Variants in TRIM4 observed in about 807,000 individuals in gnomAD.
TRIM4 encodes the protein tripartite motif containing 4.
A neutral mutation model predicts 33.7 loss-of-function variants in TRIM4; 29 were observed. The observed-to-expected ratio is 0.86, with a 90% CI of 0.64 to 1.17. The LOEUF is 1.17. Ranked by LOEUF, TRIM4 falls within the 50% of genes most tolerant of loss-of-function variation. TRIM4 has a pLI of 0.00. For synonymous variants in TRIM4, 224 were observed against 233.0 expected (o/e 0.96, Z 0.35); for missense variants, 554 against 593.7 (o/e 0.93, Z 0.69).
chr7:99,909,709 TC>T, intron 1 of TRIM4, 49 bp from the exon 2 acceptor site: 1 of 1,025,040 alleles, frequency 9.8e-7, no homozygotes, highest in Non-Finnish European at 1.5e-6. Context: ...CCAACCATCA[TC>T]ATCTTCTTTT....
chr7:99,897,067 G>C (rs148752309), intron 5 of TRIM4, among the ~76,000 whole-genome samples: 1 of 152,214 alleles, frequency 6.6e-6, no homozygotes, highest in Non-Finnish European at 1.5e-5. Context: ...TAGCCTGTTT[G>C]AAGGGTCACT....
Position 99,903,295 on chromosome 7 carries a change from T to G in TRIM4, c.764A>C (p.Asn255Thr). 6 of 1,611,936 alleles carry G rather than the reference T, an allele frequency of 3.7e-6. No individual in the cohort carries two copies. The highest frequency in any genetic ancestry group is 5.1e-6 in the Non-Finnish European group (6 of 1,178,408). ...VLTRSEIQDV[N>T]YSLEAVKVKT... ...CACCTTTACAGCTTCAAGAGAATAGTTCACATCCTGGATCTCACTCCTAAG... is the reference window on the plus strand; with the variant it reads ...CACCTTTACAGCTTCAAGAGAATAGGTCACATCCTGGATCTCACTCCTAAG... The change falls in exon 5 of 6, where the codon AAC becomes ACC. Residue 255 changes from asparagine to threonine, a missense_variant. Coordinates refer to ENST00000349062, the MANE Select transcript of TRIM4 (RefSeq NM_033091.3).
intron 1 of TRIM4, among the ~76,000 whole-genome samples, chr7:99,918,451 G>A (rs1207879423): frequency 6.6e-6 from 1 of 151,986 alleles, no homozygotes; most frequent in Middle Eastern, 3.2e-3. Context: ...TGTAATCCCA[G>A]CTACTCGGGA....
rs1584265733 is a variant in TRIM4 at position 99,903,223 on chromosome 7, A to G, written c.836T>C (p.Phe279Ser). 4 of 1,610,242 alleles carry G rather than the reference A, an allele frequency of 2.5e-6. No individual in the cohort carries two copies. The East Asian group carries it at 8.9e-5, about 36-fold the overall frequency. Residue 279 changes from phenylalanine to serine, a missense_variant, in exon 5 of 6, where the codon TTC becomes TCC. Physicochemically the swap from Phe to Ser is radical, Grantham distance 155 (BLOSUM62 -2). This residue lies in a region of TRIM4 where 290 missense variants were observed against 335.8 expected (regional missense o/e 0.86). Coordinates refer to ENST00000349062, the MANE Select transcript of TRIM4 (RefSeq NM_033091.3). ...IPLMKEMLKR[F>S]QVAVNLAEDT... The stretch of plus-strand genomic sequence containing the variant: ...GTCCTAGAAATTCTGCTCACCTTGG[A>G]ATCGCTTTAGCATTTCCTTCATCAA...
chr7:99,899,910 C>G (rs1168842133), intron 5 of TRIM4, among the ~76,000 whole-genome samples: 1 of 152,154 alleles, frequency 6.6e-6, no homozygotes, highest in Admixed American at 6.5e-5. Flanking sequence ...CCCGCCGTGG[C>G]CTCCCAAGTA....
chr7:99,914,107 G>GT lies in TRIM4; in HGVS notation c.394-4448dup, dbSNP rs552662770. Among the ~76,000 whole-genome samples, 12 of 152,270 alleles carry GT rather than the reference G, an allele frequency of 7.9e-5. No individual in the cohort carries two copies. In the South Asian group the frequency reaches 2.1e-3, roughly 26 times the overall value. Reference sequence around the variant, plus strand: ...ATGCCAAACCCCACTGCCACCGCTAGTTGAAGCCACCATCATCTTTTGTCT... The same window carrying GT: ...ATGCCAAACCCCACTGCCACCGCTAGTTTGAAGCCACCATCATCTTTTGTCT... On this transcript the variant is annotated intron_variant, in intron 1 of 5. Transcript: ENST00000349062.
At chr7:99,900,003 C>T (rs2151643939) in intron 5 of TRIM4, among the ~76,000 whole-genome samples, 1 of 152,302 alleles carries the variant, frequency 6.6e-6, no homozygotes, top group East Asian at 1.9e-4. Context: ...CCAGGCTGGC[C>T]TCAAACTCCT....
intron 5 of TRIM4, among the ~76,000 whole-genome samples, chr7:99,893,125 G>A (rs527311351): frequency 4.3e-4 from 65 of 152,178 alleles, no homozygotes; most frequent in Non-Finnish European, 2.1e-4. Flanking sequence ...AAACTGGCCC[G>A]GCATGATGGT....
At chr7:99,896,604 G>A (rs772037279) in intron 5 of TRIM4, among the ~76,000 whole-genome samples, 3 of 152,288 alleles carry the variant, frequency 2.0e-5, no homozygotes, top group African/African-American at 4.8e-5. Flanking sequence ...AGTGCCATCC[G>A]TACTGAAATC....
chr7:99,894,378 T>C (rs1247264721), intron 5 of TRIM4, among the ~76,000 whole-genome samples: 1 of 152,174 alleles, frequency 6.6e-6, no homozygotes, highest in East Asian at 1.9e-4. Flanking sequence ...AAGAAAATCA[T>C]CTGGGGACCA....
intron 5 of TRIM4, among the ~76,000 whole-genome samples, chr7:99,894,671 C>G (rs375225704): frequency 1.1e-4 from 16 of 149,942 alleles, no homozygotes; most frequent in African/African-American, 2.9e-4. Flanking sequence ...CATCCCCCCC[C>G]CAAAAAAAAA....
intron 5 of TRIM4, among the ~76,000 whole-genome samples, chr7:99,894,348 G>C (rs1239780468): frequency 6.6e-6 from 1 of 152,134 alleles, no homozygotes; most frequent in Non-Finnish European, 1.5e-5. Context: ...TTTCTTAAAT[G>C]TTTGGTGAAA....
At chr7:99,895,998 G>A (rs1395192559) in intron 5 of TRIM4, among the ~76,000 whole-genome samples, 2 of 151,540 alleles carry the variant, frequency 1.3e-5, no homozygotes, top group Admixed American at 6.6e-5. Flanking sequence ...ATTAGCGCAT[G>A]CAGACCATTT....
rs556795007 is a variant in TRIM4 at position 99,919,265 on chromosome 7, G to T, written c.137C>A (p.Pro46Gln). Residue 46 changes from proline (P) to glutamine (Q), a missense_variant, in exon 1 of 6, where the codon CCG becomes CAG. Physicochemically the swap from Pro to Gln is moderately conservative, Grantham distance 76. Coordinates refer to ENST00000349062, the MANE Select transcript of TRIM4 (RefSeq NM_033091.3). The stretch of plus-strand genomic sequence containing the variant: ...GTGCCGACATTCGGGGCAGGGGAAC[G>T]GGCCGCCGCCCGGCGCCCAGTTGCG... ...LHRNWAPGGG[P>Q]FPCPECRHPS... 2 of 1,544,856 alleles carry T rather than the reference G, an allele frequency of 1.3e-6. No individual in the cohort carries two copies. The highest frequency in any genetic ancestry group is 5.0e-5 in the East Asian group (2 of 40,028).
At chr7:99,907,301 G>A (rs532007893) in intron 3 of TRIM4, among the ~76,000 whole-genome samples, 1 of 152,220 alleles carries the variant, frequency 6.6e-6, no homozygotes, top group African/African-American at 2.4e-5. Context: ...GTAGAGACGG[G>A]GTTTCACCAT....
At chr7:99,918,297 G>A (rs968944029) in intron 1 of TRIM4, among the ~76,000 whole-genome samples, 1 of 152,154 alleles carries the variant, frequency 6.6e-6, no homozygotes, top group Non-Finnish European at 1.5e-5. Context: ...GCCGGGCGTG[G>A]TGACTCACAC....
intron 5 of TRIM4, among the ~76,000 whole-genome samples, chr7:99,894,100 A>G (rs1818958236): frequency 6.6e-6 from 1 of 152,118 alleles, no homozygotes; most frequent in African/African-American, 2.4e-5. Flanking sequence ...CAAAGGATAT[A>G]TAAATTGGTT....
chr7:99,894,668 C>T (rs1398095392), intron 5 of TRIM4, among the ~76,000 whole-genome samples: 1 of 148,248 alleles, frequency 6.7e-6, no homozygotes, highest in African/African-American at 2.5e-5. Flanking sequence ...CTCCATCCCC[C>T]CCCCAAAAAA....
At chr7:99,896,617 T>C (rs1014144796) in intron 5 of TRIM4, among the ~76,000 whole-genome samples, 16 of 152,270 alleles carry the variant, frequency 1.1e-4, no homozygotes, top group Middle Eastern at 3.4e-3. Flanking sequence ...CTGAAATCAA[T>C]AGGGGTCTAG....
Sources: allele counts gnomAD v4.1 joint callset (sites outside exome capture counted in the v4.1 genomes callset), GRCh38; gene constraint gnomAD v4.1.1; regional missense constraint gnomAD v4.1.1; transcripts MANE v1.5; gene names NCBI Gene and HGNC (gene_info 2026-07-23, HGNC 2026-07-21).